Variants in DSCAM observed in about 807,000 individuals in gnomAD.
DSCAM encodes the protein DS cell adhesion molecule.
In DSCAM, 47 loss-of-function variants were observed where a neutral mutation model predicts 217.7. The observed-to-expected ratio is 0.22, with a 90% CI of 0.17 to 0.28. The LOEUF (loss-of-function observed/expected upper bound fraction) is 0.28. Among genes scored for constraint, DSCAM ranks in the 10% least tolerant of loss-of-function variants. The pLI is 1.00. For missense variants in DSCAM, 2,080 were observed against 2,618.3 expected, an observed-to-expected ratio of 0.79 and a Z score of 4.49; for synonymous variants, 1,056 against 1,015.3, an observed-to-expected ratio of 1.04 and a Z score of -0.76.
intron 3 of DSCAM, among the ~76,000 whole-genome samples, chr21:40,540,223 CTATT>C (rs1457818186): frequency 6.6e-6 from 1 of 152,166 alleles, no homozygotes; most frequent in Non-Finnish European, 1.5e-5. Context: ...AAAAAACACT[CTATT>C]CATTAATCCA....
In DSCAM at chr21:40,078,678, C is replaced by T. The variant is rs749313542; in HGVS notation, c.4711+9G>A. The T allele has an allele frequency of 1.2e-6, 2 of 1,607,928 alleles. No homozygotes were observed. The highest frequency in any genetic ancestry group is 8.5e-7 in the Non-Finnish European group (1 of 1,175,814). On this transcript the variant is annotated intron_variant, in intron 26 of 32. Coordinates refer to ENST00000400454, the MANE Select transcript of DSCAM (RefSeq NM_001389.5). ...ACAAGCAGGAGAGCCACAAAGCCAG[C>T]CAGCTTACTGCCATCGTAGTTCAGC...
rs186959637 is a variant in DSCAM at position 40,484,041 on chromosome 21, T to A, written c.509-114796A>T. 5.3e-4 allele frequency among the ~76,000 whole-genome samples: 81 copies of A among 152,320 alleles called. 1 individual carries two copies. Among genetic ancestry groups the A allele is most frequent in the South Asian group, 1.0e-3 (5 of 4,830 alleles). On this transcript the variant is annotated intron_variant, in intron 3 of 32. Coordinates refer to ENST00000400454, the MANE Select transcript of DSCAM (RefSeq NM_001389.5). ...TTAATTCTACGGGGCAGGATGTAGG[T>A]CCTCGGCAACAAAAGATGTTAGACA...
chr21:40,809,503 T>G (rs532624529), intron 1 of DSCAM, among the ~76,000 whole-genome samples: 1 of 152,270 alleles, frequency 6.6e-6, no homozygotes, highest in East Asian at 1.9e-4. Context: ...AATCCTACGT[T>G]ATGTAAATTA....
intron 3 of DSCAM, among the ~76,000 whole-genome samples, chr21:40,465,896 A>G (rs983983579): frequency 4.8e-5 from 7 of 147,242 alleles, no homozygotes; most frequent in African/African-American, 1.8e-4. Flanking sequence ...AAAAAAAAAT[A>G]TTTTCAGCAA....
intron 3 of DSCAM, among the ~76,000 whole-genome samples, chr21:40,371,717 C>A (rs1320315170): frequency 2.0e-5 from 3 of 152,094 alleles, no homozygotes; most frequent in African/African-American, 7.2e-5. Flanking sequence ...GAACTTGAAC[C>A]TTTGATTGTC....
intron 11 of DSCAM, among the ~76,000 whole-genome samples, chr21:40,213,504 C>T (rs1340210145): frequency 6.6e-6 from 1 of 152,220 alleles, no homozygotes; most frequent in Non-Finnish European, 1.5e-5. Flanking sequence ...TGCTTACCTA[C>T]ATGTGACCTG....
At chr21:40,680,773 G>A (rs889412777) in intron 3 of DSCAM, among the ~76,000 whole-genome samples, 3 of 151,400 alleles carry the variant, frequency 2.0e-5, no homozygotes, top group Non-Finnish European at 4.4e-5. Context: ...GAGCCTTGGA[G>A]AGTCAATGCA....
chr21:40,461,755 A>G (rs1384983025), intron 3 of DSCAM, among the ~76,000 whole-genome samples: 1 of 152,242 alleles, frequency 6.6e-6, no homozygotes, highest in African/African-American at 2.4e-5. Context: ...GGAAGCAAGC[A>G]TCAGAGCCGG....
At chr21:40,723,181 T>C (rs1334754155) in intron 1 of DSCAM, among the ~76,000 whole-genome samples, 1 of 151,876 alleles carries the variant, frequency 6.6e-6, no homozygotes, top group African/African-American at 2.4e-5. Flanking sequence ...TGTTGGAGGT[T>C]AAGAAACTGT....
At chr21:40,233,589 T>C (rs1003374583) in intron 11 of DSCAM, among the ~76,000 whole-genome samples, 2 of 152,172 alleles carry the variant, frequency 1.3e-5, no homozygotes, top group African/African-American at 4.8e-5. Context: ...TATGTCCACC[T>C]TTCTGTCCTT....
chr21:40,712,448 C>A (rs1466086789), intron 1 of DSCAM, among the ~76,000 whole-genome samples: 1 of 118,478 alleles, frequency 8.4e-6, no homozygotes, highest in Non-Finnish European at 1.6e-5. Flanking sequence ...CCGACCTGGG[C>A]GACAGAGCGA....
chr21:40,381,239 G>A (rs187706594), intron 3 of DSCAM, among the ~76,000 whole-genome samples: 1 of 152,236 alleles, frequency 6.6e-6, no homozygotes, highest in East Asian at 1.9e-4. Context: ...GGCACTGGCT[G>A]TCCATGGCTG....
intron 1 of DSCAM, among the ~76,000 whole-genome samples, chr21:40,823,191 A>T (rs1329274935): frequency 2.1e-5 from 2 of 93,984 alleles, no homozygotes; most frequent in Non-Finnish European, 4.4e-5. Flanking sequence ...GCTTAATCTT[A>T]GCATACATAC....
chr21:40,430,537 C>A (rs1473334886), intron 3 of DSCAM, among the ~76,000 whole-genome samples: 1 of 152,246 alleles, frequency 6.6e-6, no homozygotes, highest in African/African-American at 2.4e-5. Flanking sequence ...GGGACTCGAA[C>A]TGGCTCTCCT....
At chr21:40,191,848 A>G (rs997209664) in intron 11 of DSCAM, among the ~76,000 whole-genome samples, 6 of 152,130 alleles carry the variant, frequency 3.9e-5, no homozygotes, top group Admixed American at 2.0e-4. Context: ...CATAATTTAC[A>G]TTCTTCTTTG....
chr21:40,367,014 G>A (rs766074052), intron 4 of DSCAM, among the ~76,000 whole-genome samples: 2 of 152,078 alleles, frequency 1.3e-5, no homozygotes, highest in South Asian at 2.1e-4. Context: ...AAATTGAGCC[G>A]TTCCCCTGAG....
chr21:40,827,468 C>CAAAAAA (rs55906607), intron 1 of DSCAM, among the ~76,000 whole-genome samples: 1 of 57,124 alleles, frequency 1.8e-5, no homozygotes, highest in Non-Finnish European at 3.6e-5. Context: ...GTCCATGTCT[C>CAAAAAA]AAAAAAAAAA....
At chr21:40,792,018 A>G (rs1264967217) in intron 1 of DSCAM, among the ~76,000 whole-genome samples, 1 of 151,870 alleles carries the variant, frequency 6.6e-6, no homozygotes, top group African/African-American at 2.4e-5. Context: ...TAGAAGTTAG[A>G]GATCATGGTG....
chr21:40,278,572 A>C (rs180781897), intron 10 of DSCAM, among the ~76,000 whole-genome samples: 202 of 152,108 alleles, frequency 1.3e-3, no homozygotes, highest in African/African-American at 4.7e-3. Flanking sequence ...ATTTCTATAA[A>C]ATTTTAAAAA....
Sources: allele counts gnomAD v4.1 joint callset (sites outside exome capture counted in the v4.1 genomes callset), GRCh38; gene constraint gnomAD v4.1.1; transcripts MANE v1.5; gene names NCBI Gene and HGNC (gene_info 2026-07-23, HGNC 2026-07-21).